The following GABRG3 variants were observed in gnomAD, a reference collection of about 807,000 sequenced individuals.
The protein encoded by GABRG3 is gamma-aminobutyric acid type A receptor subunit gamma3.
A neutral mutation model predicts 48.8 loss-of-function variants in GABRG3; 25 were observed. That is an observed-to-expected ratio of 0.51 (90% CI 0.37 to 0.72). The LOEUF (loss-of-function observed/expected upper bound fraction) is 0.72, where lower values mean the gene tolerates loss of function less well. Among genes scored for constraint, GABRG3 ranks in the 30% least tolerant of loss-of-function variants. The pLI is 0.00. For synonymous variants in GABRG3, 227 were observed against 217.6 expected (o/e 1.04, Z -0.38); for missense variants, 394 against 577.9 (o/e 0.68, Z 3.26).
chr15:27,283,292 G>A (rs1257693359), intron 3 of GABRG3, among the ~76,000 whole-genome samples: 1 of 152,152 alleles, frequency 6.6e-6, no homozygotes, highest in Non-Finnish European at 1.5e-5. Flanking sequence ...TGATGGAGTA[G>A]GATGTCTACT....
chr15:27,458,286 A>G (rs561013388), intron 5 of GABRG3, among the ~76,000 whole-genome samples: 1 of 152,190 alleles, frequency 6.6e-6, no homozygotes, highest in South Asian at 2.1e-4. Context: ...CCATCCTCAT[A>G]AATTGTATTG....
chr15:27,257,241 T>C (rs1484250076), intron 3 of GABRG3, among the ~76,000 whole-genome samples: 1 of 152,234 alleles, frequency 6.6e-6, no homozygotes, highest in Non-Finnish European at 1.5e-5. Flanking sequence ...TTTGTCCTTT[T>C]TAAAATCAGT....
chr15:27,233,636 GC>G (rs1889868403), intron 3 of GABRG3, among the ~76,000 whole-genome samples: 1 of 152,128 alleles, frequency 6.6e-6, no homozygotes, highest in African/African-American at 2.4e-5. Flanking sequence ...ACCTCATAAA[GC>G]CATCACCTTG....
intron 3 of GABRG3, among the ~76,000 whole-genome samples, chr15:27,055,006 GT>G (rs150102149): frequency 0.16 from 22,827 of 140,678 alleles, 1,847 homozygotes; most frequent in South Asian, 0.23. Context: ...GCCAAGACCT[GT>G]TTTTTTTTTT....
At chr15:27,334,458 G>T (rs573262372) in intron 5 of GABRG3, among the ~76,000 whole-genome samples, 1 of 152,136 alleles carries the variant, frequency 6.6e-6, no homozygotes, top group Non-Finnish European at 1.5e-5. Flanking sequence ...AAATCCCAAA[G>T]TTGAGATGCC....
chr15:27,299,149 T>A lies in GABRG3; in HGVS notation c.271-27660T>A, dbSNP rs879738182. ...AAATACAAAAACTAGCTGGGTGTGG[T>A]GGCAGGTGCCTGTAATCCCAGTTAC... On this transcript the variant is annotated intron_variant, in intron 3 of 9. Coordinates refer to ENST00000615808, the MANE Select transcript of GABRG3 (RefSeq NM_033223.5). Among the ~76,000 whole-genome samples the A allele has an allele frequency of 4.3e-3, 652 of 152,220 alleles. 1 individual carries two copies. Among genetic ancestry groups the A allele is most frequent in the Non-Finnish European group, 7.0e-3 (478 of 67,998 alleles).
intron 5 of GABRG3, among the ~76,000 whole-genome samples, chr15:27,341,946 G>A (rs1486394794): frequency 1.3e-5 from 2 of 152,244 alleles, no homozygotes; most frequent in African/African-American, 4.8e-5. Flanking sequence ...CACTGCTGTT[G>A]CAGAGCTGTC....
intron 3 of GABRG3, among the ~76,000 whole-genome samples, chr15:27,067,545 TC>T (rs1169219150): frequency 6.6e-6 from 1 of 152,204 alleles, no homozygotes; most frequent in African/African-American, 2.4e-5. Context: ...GATTCTGTGA[TC>T]CTTGGTGCTC....
At chr15:27,105,249 G>A (rs1897429958) in intron 3 of GABRG3, among the ~76,000 whole-genome samples, 2 of 152,086 alleles carry the variant, frequency 1.3e-5, no homozygotes, top group Admixed American at 1.3e-4. Context: ...TCCTAAATGT[G>A]TACACATCAA....
intron 5 of GABRG3, among the ~76,000 whole-genome samples, chr15:27,368,249 G>C (rs140199207): frequency 0.015 from 2,313 of 152,318 alleles, 37 homozygotes; most frequent in Non-Finnish European, 0.022. Context: ...CTCTCATCTA[G>C]AGTTTGAACT....
intron 3 of GABRG3, among the ~76,000 whole-genome samples, chr15:27,114,063 G>C (rs986031038): frequency 1.3e-5 from 2 of 152,154 alleles, no homozygotes; most frequent in Non-Finnish European, 2.9e-5. Flanking sequence ...TTGCCAGTGG[G>C]CAGAAATTAA....
intron 3 of GABRG3, among the ~76,000 whole-genome samples, chr15:27,088,952 G>A (rs1897137037): frequency 6.6e-6 from 1 of 152,138 alleles, no homozygotes; most frequent in Non-Finnish European, 1.5e-5. Context: ...GGGCTGTGCC[G>A]GGTCCAGGGC....
chr15:27,082,689 C>A (rs753697230), intron 3 of GABRG3, among the ~76,000 whole-genome samples: 15 of 152,206 alleles, frequency 9.9e-5, no homozygotes, highest in Non-Finnish European at 2.1e-4. Flanking sequence ...ATAAAGAAAG[C>A]AAACTCATTT....
At chr15:27,522,447 T>C (rs1891181515) in intron 7 of GABRG3, among the ~76,000 whole-genome samples, 1 of 151,594 alleles carries the variant, frequency 6.6e-6, no homozygotes, top group South Asian at 2.1e-4. Context: ...TAAAAAAAAC[T>C]AGTTTTCTAT....
chr15:27,207,264 A>G (rs1484161126), intron 3 of GABRG3, among the ~76,000 whole-genome samples: 2 of 152,180 alleles, frequency 1.3e-5, no homozygotes, highest in Non-Finnish European at 2.9e-5. Context: ...TTTGCAAATG[A>G]TGGGGTTTTT....
At chr15:27,221,995 T>C (rs1349349568) in intron 3 of GABRG3, among the ~76,000 whole-genome samples, 1 of 152,242 alleles carries the variant, frequency 6.6e-6, no homozygotes, top group Non-Finnish European at 1.5e-5. Context: ...AAGTTCTACA[T>C]TATTTTTAAA....
At chr15:27,183,746 G>A (rs208124) in intron 3 of GABRG3, among the ~76,000 whole-genome samples, 70,056 of 151,996 alleles carry the variant, frequency 0.46, 16,837 homozygotes, top group East Asian at 0.67. Flanking sequence ...ATCTTGTTCC[G>A]TTCCTTTCAG....
At chr15:27,107,026 C>G (rs1386537584) in intron 3 of GABRG3, among the ~76,000 whole-genome samples, 1 of 152,042 alleles carries the variant, frequency 6.6e-6, no homozygotes, top group African/African-American at 2.4e-5. Context: ...AGAACTAGCA[C>G]TAGCTAGGCT....
chr15:27,262,450 A>C (rs898188899), intron 3 of GABRG3, among the ~76,000 whole-genome samples: 1 of 152,190 alleles, frequency 6.6e-6, no homozygotes, highest in Admixed American at 6.5e-5. Context: ...TTCAGTGAAC[A>C]GTTTCTTCTC....
Sources: allele counts gnomAD v4.1 joint callset (sites outside exome capture counted in the v4.1 genomes callset), GRCh38; gene constraint gnomAD v4.1.1; transcripts MANE v1.5; gene names NCBI Gene and HGNC (gene_info 2026-07-23, HGNC 2026-07-21).